NXPH1: variants seen among roughly 807,000 people sequenced by gnomAD.
NXPH1 encodes the protein neurexophilin 1.
Under a neutral mutation model 23.7 loss-of-function variants are expected in NXPH1, and 5 were observed. The observed-to-expected ratio is 0.21, with a 90% CI of 0.11 to 0.44. The LOEUF (loss-of-function observed/expected upper bound fraction) is 0.44, where lower values mean the gene tolerates loss of function less well. Ranked by LOEUF, NXPH1 falls within the 20% of genes least tolerant of loss-of-function variation. The pLI, the probability that NXPH1 is intolerant of heterozygous loss-of-function variation, is 0.99. For missense variants in NXPH1, 324 were observed against 321.6 expected, an observed-to-expected ratio of 1.01 and a Z score of -0.06; for synonymous variants, 144 against 122.2, an observed-to-expected ratio of 1.18 and a Z score of -1.18.
At chr7:8,580,541 A>T (rs1300658718) in intron 2 of NXPH1, among the ~76,000 whole-genome samples, 2 of 152,166 alleles carry the variant, frequency 1.3e-5, no homozygotes, top group African/African-American at 4.8e-5. Flanking sequence ...CTGAAGAGGC[A>T]GCAGCTGAAC....
intron 2 of NXPH1, among the ~76,000 whole-genome samples, chr7:8,476,832 A>G (rs577460918): frequency 5.3e-5 from 8 of 152,298 alleles, no homozygotes; most frequent in African/African-American, 1.9e-4. Flanking sequence ...AAAGAACCAG[A>G]AATTTTAACC....
At position 8,625,292 on chromosome 7, in the gene NXPH1, A is replaced by C. The variant is rs1819963526; in HGVS notation, c.55-125716A>C. Reference sequence around the variant, plus strand: ...TATTTCCAATTTCAAAGATTATTTTAAAGAACTGAGGAGATGATATATTAT... The same window carrying C: ...TATTTCCAATTTCAAAGATTATTTTCAAGAACTGAGGAGATGATATATTAT... On this transcript the variant is annotated intron_variant, in intron 2 of 2. Coordinates refer to ENST00000405863, the MANE Select transcript of NXPH1 (RefSeq NM_152745.3). Among the ~76,000 whole-genome samples, 3 of 152,220 alleles carry C rather than the reference A, an allele frequency of 2.0e-5. No homozygotes were observed. In the South Asian group the frequency reaches 6.2e-4, roughly 31 times the overall value.
intron 2 of NXPH1, among the ~76,000 whole-genome samples, chr7:8,476,465 T>C (rs926999601): frequency 2.0e-5 from 3 of 152,086 alleles, no homozygotes; most frequent in African/African-American, 7.2e-5. Flanking sequence ...ATTCATTTTT[T>C]TTTTTCCTTT....
intron 2 of NXPH1, among the ~76,000 whole-genome samples, chr7:8,655,846 T>C (rs566759136): frequency 9.2e-5 from 14 of 152,316 alleles, no homozygotes; most frequent in African/African-American, 2.9e-4. Context: ...CCCTTTCATA[T>C]ATCAACTCCT....
intron 2 of NXPH1, among the ~76,000 whole-genome samples, chr7:8,544,270 G>T (rs1490641699): frequency 6.6e-6 from 1 of 151,482 alleles, no homozygotes; most frequent in Non-Finnish European, 1.5e-5. Flanking sequence ...TTGTTTTGGG[G>T]GCTTTCTTGT....
At chr7:8,704,877 T>C (rs1779680110) in intron 2 of NXPH1, among the ~76,000 whole-genome samples, 1 of 152,064 alleles carries the variant, frequency 6.6e-6, no homozygotes, top group South Asian at 2.1e-4. Context: ...GGCAAAATCC[T>C]CCTAAAGGTG....
At chr7:8,469,513 A>G (rs1008830042) in intron 2 of NXPH1, among the ~76,000 whole-genome samples, 1 of 152,042 alleles carries the variant, frequency 6.6e-6, no homozygotes, top group Non-Finnish European at 1.5e-5. Context: ...AGTCCTGAAC[A>G]ATCGTTCCCT....
chr7:8,734,156 T>C (rs963145790), intron 2 of NXPH1, among the ~76,000 whole-genome samples: 15 of 152,238 alleles, frequency 9.9e-5, no homozygotes, highest in Non-Finnish European at 1.9e-4. Context: ...CTTGTTTTTG[T>C]CAGGTTTGTC....
rs181217307 is a variant in NXPH1 at position 8,497,286 on chromosome 7, A to T, written c.54+61519A>T. ...TTGATGGACATTTGGGTTGGTTCCA[A>T]GTCTTTGTTATTGTGAATAGTGCAG... On this transcript the variant is annotated intron_variant, in intron 2 of 2. Transcript: ENST00000405863. Among the ~76,000 whole-genome samples, 84 of 152,224 alleles carry T rather than the reference A, an allele frequency of 5.5e-4. 1 individual carries two copies. The highest frequency in any genetic ancestry group is 1.8e-3 in the African/African-American group (75 of 41,554).
intron 2 of NXPH1, among the ~76,000 whole-genome samples, chr7:8,534,839 C>T (rs890954859): frequency 6.6e-6 from 1 of 152,038 alleles, no homozygotes; most frequent in African/African-American, 2.4e-5. Context: ...AGGGCAAAAA[C>T]TACAACGCAG....
intron 2 of NXPH1, among the ~76,000 whole-genome samples, chr7:8,662,917 C>CATAATTTATA (rs1354285695): frequency 0.015 from 2,255 of 152,138 alleles, 25 homozygotes; most frequent in Middle Eastern, 0.048. Flanking sequence ...CAAGTGAGGA[C>CATAATTTATA]ATTTCTGTAT....
At position 8,667,283 on chromosome 7, in the gene NXPH1, T is replaced by A. The variant is rs76400529; in HGVS notation, c.55-83725T>A. Among the ~76,000 whole-genome samples, 674 of 152,250 alleles carry A rather than the reference T, an allele frequency of 4.4e-3. 16 individuals carry two copies. The highest frequency in any genetic ancestry group is 0.036 in the East Asian group (188 of 5,186). ...CCAGAGAGTTTTACTTTCAGATGAT[T>A]GTGTGTTATACATTAGTGTCCCATT... On this transcript the variant is annotated intron_variant, in intron 2 of 2. Coordinates refer to ENST00000405863, the MANE Select transcript of NXPH1 (RefSeq NM_152745.3).
chr7:8,637,784 T>C (rs1820242797), intron 2 of NXPH1, among the ~76,000 whole-genome samples: 1 of 152,226 alleles, frequency 6.6e-6, no homozygotes, highest in Non-Finnish European at 1.5e-5. Flanking sequence ...TTGATATTTT[T>C]CTTACATAAG....
chr7:8,534,952 G>A (rs1003388357), intron 2 of NXPH1, among the ~76,000 whole-genome samples: 14 of 152,084 alleles, frequency 9.2e-5, no homozygotes, highest in African/African-American at 3.4e-4. Flanking sequence ...AAACATGAAA[G>A]AAAATAAGCA....
At chr7:8,700,203 G>C (rs1208145868) in intron 2 of NXPH1, among the ~76,000 whole-genome samples, 2 of 152,156 alleles carry the variant, frequency 1.3e-5, no homozygotes, top group East Asian at 3.8e-4. Context: ...TGAGCAGTTT[G>C]AATGTTATTT....
chr7:8,465,725 A>G (rs567995352), intron 2 of NXPH1, among the ~76,000 whole-genome samples: 1 of 152,352 alleles, frequency 6.6e-6, no homozygotes, highest in East Asian at 1.9e-4. Context: ...ACAGTAGAAT[A>G]TTTAAAAGTC....
chr7:8,650,975 AT>A (rs1233407705), intron 2 of NXPH1, among the ~76,000 whole-genome samples: 30 of 152,044 alleles, frequency 2.0e-4, no homozygotes, highest in Non-Finnish European at 1.2e-4. Context: ...TTATTTATTT[AT>A]TTATTATTCT....
At chr7:8,491,023 A>C (rs2128611153) in intron 2 of NXPH1, among the ~76,000 whole-genome samples, 1 of 152,038 alleles carries the variant, frequency 6.6e-6, no homozygotes, top group African/African-American at 2.4e-5. Context: ...CACCTGCGAC[A>C]CCTGCTTTGG....
chr7:8,700,352 G>A (rs1385912720), intron 2 of NXPH1, among the ~76,000 whole-genome samples: 1 of 152,040 alleles, frequency 6.6e-6, no homozygotes, highest in Non-Finnish European at 1.5e-5. Context: ...CTTCATTTCT[G>A]TCTTTCATCC....
Sources: gnomAD v4.1 joint callset for allele counts (sites outside exome capture counted in the v4.1 genomes callset) on GRCh38, gnomAD v4.1.1 for gene constraint, MANE v1.5 for transcripts, NCBI Gene and HGNC (gene_info 2026-07-23, HGNC 2026-07-21) for gene names.